Variants in FHIT observed in about 807,000 individuals in gnomAD.
FHIT encodes fragile histidine triad diadenosine triphosphatase, also known as bis(5'-adenosyl)-triphosphatase.
A neutral mutation model predicts 17.9 loss-of-function variants in FHIT; 19 were observed. The ratio of observed to expected loss-of-function variants is 1.06; its 90% CI spans 0.74 to 1.56. The LOEUF is 1.56. Ranked by LOEUF, FHIT falls within the 40% of genes most tolerant of loss-of-function variation. FHIT has a pLI of 0.00. For missense variants in FHIT, 248 were observed against 189.2 expected (o/e 1.31, Z -1.82); for synonymous variants, 81 against 69.7 (o/e 1.16, Z -0.81).
rs111711890 is a variant in FHIT at position 60,335,673 on chromosome 3, C to T, written c.103+201187G>A. 3.1e-3 allele frequency among the ~76,000 whole-genome samples: 468 copies of T among 152,212 alleles called. 1 individual carries two copies. The highest frequency in any genetic ancestry group is 0.011 in the African/African-American group (448 of 41,536). On this transcript the variant is annotated intron_variant, in intron 5 of 9. Coordinates refer to ENST00000492590, the MANE Select transcript of FHIT (RefSeq NM_002012.4). ...GGATTTCAAAGACTCAGCACACACA[C>T]ACACAAAAAAGTAACACAAAAACCT...
chr3:60,117,872 G>A (rs1182812694), intron 5 of FHIT, among the ~76,000 whole-genome samples: 4 of 152,106 alleles, frequency 2.6e-5, no homozygotes, highest in African/African-American at 4.8e-5. Context: ...ACCACCAACT[G>A]CAGGGTCAGT....
chr3:60,284,391 A>G (rs1026964320), intron 5 of FHIT, among the ~76,000 whole-genome samples: 2 of 152,130 alleles, frequency 1.3e-5, no homozygotes, highest in African/African-American at 2.4e-5. Flanking sequence ...ATGTGGCAGC[A>G]GGAGAACTGA....
At chr3:60,739,138 T>A (rs13090237) in intron 4 of FHIT, among the ~76,000 whole-genome samples, 22,201 of 152,036 alleles carry the variant, frequency 0.15, 1,704 homozygotes, top group East Asian at 0.23. Flanking sequence ...TCCCCATCCA[T>A]CCCATTGAGA....
intron 5 of FHIT, among the ~76,000 whole-genome samples, chr3:60,289,162 G>A (rs1707864632): frequency 6.6e-6 from 1 of 152,140 alleles, no homozygotes; most frequent in Non-Finnish European, 1.5e-5. Context: ...GACCATTCTA[G>A]TATTTAATAT....
At chr3:60,135,410 C>T (rs1296609246) in intron 5 of FHIT, among the ~76,000 whole-genome samples, 1 of 152,152 alleles carries the variant, frequency 6.6e-6, no homozygotes, top group African/African-American at 2.4e-5. Flanking sequence ...TCTATCCCTA[C>T]ACCCTGGAGC....
At chr3:60,924,254 T>C (rs1182892459) in intron 3 of FHIT, among the ~76,000 whole-genome samples, 2 of 152,130 alleles carry the variant, frequency 1.3e-5, no homozygotes, top group Non-Finnish European at 2.9e-5. Context: ...ACGGACAAAA[T>C]GCCTCCTCAA....
intron 4 of FHIT, among the ~76,000 whole-genome samples, chr3:60,587,671 C>T (rs1553662615): frequency 6.6e-6 from 1 of 152,050 alleles, no homozygotes; most frequent in African/African-American, 2.4e-5. Flanking sequence ...GTTCCACTAA[C>T]AAGCCCATGT....
intron 5 of FHIT, among the ~76,000 whole-genome samples, chr3:60,445,248 A>C (rs964327946): frequency 1.3e-5 from 2 of 152,140 alleles, no homozygotes; most frequent in African/African-American, 4.8e-5. Context: ...AAACTCACAG[A>C]TGATGCCAAA....
At chr3:61,092,588 T>C (rs1014530511) in intron 2 of FHIT, among the ~76,000 whole-genome samples, 2 of 152,126 alleles carry the variant, frequency 1.3e-5, no homozygotes, top group Non-Finnish European at 2.9e-5. Flanking sequence ...ATTTATTGTC[T>C]TTATGTTCAA....
intron 3 of FHIT, among the ~76,000 whole-genome samples, chr3:61,021,584 G>A (rs1243472499): frequency 8.6e-6 from 1 of 116,132 alleles, no homozygotes; most frequent in Non-Finnish European, 1.7e-5. Flanking sequence ...GGGCGACAGA[G>A]CGAGACTCCG....
At chr3:60,762,624 T>C (rs563306982) in intron 4 of FHIT, among the ~76,000 whole-genome samples, 2 of 152,348 alleles carry the variant, frequency 1.3e-5, no homozygotes, top group South Asian at 4.1e-4. Context: ...GGCTAGGCCA[T>C]GGTATCCAGA....
chr3:60,282,717 G>A (rs1175889271), intron 5 of FHIT, among the ~76,000 whole-genome samples: 1 of 152,072 alleles, frequency 6.6e-6, no homozygotes, highest in African/African-American at 2.4e-5. Flanking sequence ...GTTATGGTAA[G>A]TCTCTCAACT....
intron 5 of FHIT, among the ~76,000 whole-genome samples, chr3:60,447,711 A>G (rs2031439255): frequency 1.3e-5 from 2 of 152,196 alleles, no homozygotes; most frequent in African/African-American, 4.8e-5. Context: ...AGGGAGCAAG[A>G]TGGAGAATGT....
At chr3:60,204,242 G>A (rs571891391) in intron 5 of FHIT, among the ~76,000 whole-genome samples, 4 of 151,942 alleles carry the variant, frequency 2.6e-5, no homozygotes, top group African/African-American at 9.7e-5. Flanking sequence ...ATTAAAAAAT[G>A]GGCAAATATA....
chr3:60,592,214 C>CTATA (rs1405941157), intron 4 of FHIT, among the ~76,000 whole-genome samples: 3 of 144,380 alleles, frequency 2.1e-5, no homozygotes, highest in African/African-American at 5.1e-5. Context: ...TATGTAACCT[C>CTATA]TATATATATA....
chr3:59,919,347 A>C (rs368208131), intron 8 of FHIT, among the ~76,000 whole-genome samples: 2 of 152,222 alleles, frequency 1.3e-5, no homozygotes, highest in East Asian at 3.9e-4. Flanking sequence ...AGAGCTAATG[A>C]TATCTGCCAC....
chr3:60,147,868 T>C (rs1345538831), intron 5 of FHIT, among the ~76,000 whole-genome samples: 2 of 152,202 alleles, frequency 1.3e-5, no homozygotes, highest in Non-Finnish European at 2.9e-5. Flanking sequence ...TGTGCATTTC[T>C]TTCTTTCACC....
chr3:59,992,012 G>T (rs1277326420), intron 7 of FHIT, among the ~76,000 whole-genome samples: 1 of 152,026 alleles, frequency 6.6e-6, no homozygotes, highest in Non-Finnish European at 1.5e-5. Context: ...TTTAACGTAT[G>T]CAGGGAAGAG....
chr3:60,124,009 T>TATAG (rs1384962194), intron 5 of FHIT, among the ~76,000 whole-genome samples: 7 of 12,156 alleles, frequency 5.8e-4, no homozygotes, highest in Admixed American at 1.3e-3. Context: ...TATATATATA[T>TATAG]AGAGAGAGAG....
Sources: gnomAD v4.1 joint callset for allele counts (sites outside exome capture counted in the v4.1 genomes callset) on GRCh38, gnomAD v4.1.1 for gene constraint, MANE v1.5 for transcripts, NCBI Gene and HGNC (gene_info 2026-07-23, HGNC 2026-07-21) for gene names.